Variants in CACNA1A observed in about 807,000 individuals in gnomAD.
CACNA1A encodes the protein voltage-dependent P/Q-type calcium channel subunit alpha-1A.
A neutral mutation model predicts 262.4 loss-of-function variants in CACNA1A; 57 were observed. The observed-to-expected ratio is 0.22, with a 90% CI of 0.18 to 0.27. The LOEUF is 0.27. CACNA1A is among the 10% of genes least tolerant of loss of function. CACNA1A has a pLI of 1.00. For synonymous variants in CACNA1A, 1,431 were observed against 1,419.3 expected (o/e 1.01, Z -0.18); for missense variants, 2,526 against 3,562.8 (o/e 0.71, Z 7.41).
intron 6 of CACNA1A, among the ~76,000 whole-genome samples, chr19:13,336,606 A>G (rs1043076909): frequency 7.6e-5 from 10 of 131,816 alleles, no homozygotes; most frequent in African/African-American, 1.5e-4. Context: ...AGAGAGAGAG[A>G]GAGAGAGAGA....
At chr19:13,313,604 G>A (rs1232623550) in intron 11 of CACNA1A, among the ~76,000 whole-genome samples, 1 of 151,874 alleles carries the variant, frequency 6.6e-6, no homozygotes, top group Non-Finnish European at 1.5e-5. Flanking sequence ...ATATCAGTGG[G>A]TCTCCATCTT....
chr19:13,490,692 GGAAAGAAAGAAA>G (rs56868654), intron 1 of CACNA1A, among the ~76,000 whole-genome samples: 15,412 of 132,522 alleles, frequency 0.12, 1,071 homozygotes, highest in East Asian at 0.3. Flanking sequence ...GAGAAAGAAA[GGAAAGAAAGAAA>G]GAAAGAAAGA....
intron 23 of CACNA1A, 62 bp downstream of exon 23, chr19:13,277,007 C>A (rs2057166735): frequency 3.6e-6 from 4 of 1,095,970 alleles, no homozygotes; most frequent in Non-Finnish European, 5.6e-6. Context: ...CCACTGTGCC[C>A]AGCCCTGCAC....
chr19:13,277,251 T>C (rs548279261), intron 22 of CACNA1A, 123 bp from the exon 23 acceptor site: 1 of 660,302 alleles, frequency 1.5e-6, no homozygotes, highest in Admixed American at 2.6e-5. Context: ...ACAGCTGCTA[T>C]ATACAGTTGC....
At chr19:13,358,130 G>A (rs2059039856) in intron 6 of CACNA1A, among the ~76,000 whole-genome samples, 1 of 152,238 alleles carries the variant, frequency 6.6e-6, no homozygotes, top group Non-Finnish European at 1.5e-5. Flanking sequence ...GCAAAAGTAT[G>A]AAGAGGTACG....
chr19:13,230,344 GGATA>G, intron 35 of CACNA1A, 135 bp from the exon 36 acceptor site: 1 of 844,780 alleles, frequency 1.2e-6, no homozygotes, highest in Non-Finnish European at 1.8e-6. Context: ...ATGGAGAGAG[GGATA>G]GAGAGAAGAT....
chr19:13,388,631 T>C (rs2059660435), intron 3 of CACNA1A, among the ~76,000 whole-genome samples: 1 of 152,196 alleles, frequency 6.6e-6, no homozygotes, highest in Non-Finnish European at 1.5e-5. Flanking sequence ...GGTTACGGGA[T>C]ATCTTTACCT....
chr19:13,389,598 G>T (rs1209670443), intron 3 of CACNA1A, among the ~76,000 whole-genome samples: 1 of 152,074 alleles, frequency 6.6e-6, no homozygotes, highest in Non-Finnish European at 1.5e-5. Flanking sequence ...AATATTAAAG[G>T]TGTACAGAGA....
intron 31 of CACNA1A, among the ~76,000 whole-genome samples, chr19:13,238,773 G>A (rs1041705616): frequency 6.6e-6 from 1 of 152,052 alleles, no homozygotes; most frequent in Non-Finnish European, 1.5e-5. Flanking sequence ...TTTTAGGAGA[G>A]ATGGGGTTTC....
Position 13,506,287 on chromosome 19 carries a change from G to A in CACNA1A, c.-63C>T, listed in dbSNP as rs1983035217. 3.0e-6 allele frequency: 4 copies of A among 1,342,726 alleles called. No homozygotes were observed. In the East Asian group the frequency reaches 8.8e-5, roughly 29 times the overall value. The allele number at this position is 1,342,726 out of a possible 1,614,324, so 83.2% of individuals were successfully genotyped here. A position where few individuals can be genotyped will look rare whatever the true frequency, so the allele number is the denominator to read the frequency against. On this transcript the variant is annotated 5_prime_UTR_variant, in exon 1 of 47. Coordinates refer to ENST00000360228, the MANE Select transcript of CACNA1A (RefSeq NM_001127222.2). ...GAACGATGCGGAAGACGCCGCCGCC[G>A]CCGCCGCCGCCGCTGATGCTGAGGC...
intron 3 of CACNA1A, chr19:13,451,536 G>C (rs1486143590): frequency 1.3e-5 from 2 of 152,184 alleles, no homozygotes; most frequent in African/African-American, 4.8e-5. Flanking sequence ...CAGACTAGTA[G>C]GTCATTCTCC....
Position 13,302,741 on chromosome 19 carries a change from C to T in CACNA1A, c.2172+805G>A, listed in dbSNP as rs543850615. Among the ~76,000 whole-genome samples, 23 of 152,314 alleles carry T rather than the reference C, an allele frequency of 1.5e-4. 2 individuals carry two copies. The South Asian group carries it at 4.6e-3, about 30-fold the overall frequency. ...GCTCCACAGTGGCCAGGCTTGTGGC[C>T]GTGTGCTTGGGATGGCAGAGACTTC... On this transcript the variant is annotated intron_variant, in intron 17 of 46. Transcript: ENST00000360228.
At chr19:13,427,167 C>A (rs1311790780) in intron 3 of CACNA1A, among the ~76,000 whole-genome samples, 1 of 152,006 alleles carries the variant, frequency 6.6e-6, no homozygotes, top group Non-Finnish European at 1.5e-5. Flanking sequence ...GTGGTCCCCC[C>A]CAGGGCATGC....
rs1051763562 is a variant in CACNA1A at position 13,376,951 on chromosome 19, A to G, written c.540-5172T>C. 2.8e-5 allele frequency among the ~76,000 whole-genome samples: 4 copies of G among 143,178 alleles called. No homozygotes were observed. The Admixed American group carries it at 2.9e-4, about 10-fold the overall frequency. The allele number at this position is 143,178 out of a possible 152,430, so 93.9% of individuals were successfully genotyped here. A position where few individuals can be genotyped will look rare whatever the true frequency, so the allele number is the denominator to read the frequency against. Reference sequence around the variant, plus strand: ...TATATATATAATTTATATTACATATAACATGTTATATATATATATGTATTT... The same window carrying G: ...TATATATATAATTTATATTACATATGACATGTTATATATATATATGTATTT... On this transcript the variant is annotated intron_variant, in intron 3 of 46. Coordinates refer to ENST00000360228, the MANE Select transcript of CACNA1A (RefSeq NM_001127222.2).
chr19:13,406,570 A>C (rs934727631), intron 3 of CACNA1A, among the ~76,000 whole-genome samples: 13 of 139,328 alleles, frequency 9.3e-5, no homozygotes, highest in African/African-American at 3.2e-4. Context: ...ATTGAGCAGG[A>C]GGAGAGGCTG....
chr19:13,432,656 G>A (rs1328829830), intron 3 of CACNA1A, among the ~76,000 whole-genome samples: 1 of 150,704 alleles, frequency 6.6e-6, no homozygotes, highest in Admixed American at 6.6e-5. Flanking sequence ...ATGTTTCAAC[G>A]TACTATACAA....
At chr19:13,496,471 A>G (rs983729982) in intron 1 of CACNA1A, among the ~76,000 whole-genome samples, 2 of 152,202 alleles carry the variant, frequency 1.3e-5, no homozygotes, top group African/African-American at 4.8e-5. Context: ...AATGAGAGAA[A>G]AAGATTAGAA....
intron 37 of CACNA1A, chr19:13,225,024 G>C (rs1273271884): frequency 2.4e-5 from 10 of 418,486 alleles, no homozygotes; most frequent in Admixed American, 1.1e-4. Flanking sequence ...TGACCTGAGA[G>C]CTGGCATTTC....
chr19:13,285,213 G>C lies in CACNA1A; in HGVS notation c.3554-7C>G. On this transcript the variant is annotated splice_polypyrimidine_tract_variant and splice_region_variant and intron_variant, in intron 20 of 46. Transcript: ENST00000360228. Reference sequence around the variant, plus strand: ...GGGTTGGCGTTTTTGTTCACTGTTGGGACAAGAACCAACACAGGGCTCCCT... The same window carrying C: ...GGGTTGGCGTTTTTGTTCACTGTTGCGACAAGAACCAACACAGGGCTCCCT... The C allele has an allele frequency of 1.2e-6, 2 of 1,613,646 alleles. No homozygotes were observed. The highest frequency in any genetic ancestry group is 1.7e-6 in the Non-Finnish European group (2 of 1,179,806).
Sources: allele counts gnomAD v4.1 joint callset (sites outside exome capture counted in the v4.1 genomes callset), GRCh38; gene constraint gnomAD v4.1.1; transcripts MANE v1.5; gene names NCBI Gene and HGNC (gene_info 2026-07-23, HGNC 2026-07-21).